The following MYO18B variants were observed in gnomAD, a reference collection of about 807,000 sequenced individuals.
MYO18B encodes myosin XVIIIB, also known as unconventional myosin-XVIIIb.
Under a neutral mutation model 273.0 loss-of-function variants are expected in MYO18B, and 204 were observed. That is an observed-to-expected ratio of 0.75 (90% confidence interval 0.67 to 0.84). The LOEUF is 0.84. MYO18B is among the 40% of genes least tolerant of loss of function. The pLI, the probability that MYO18B is intolerant of heterozygous loss-of-function variation, is 0.00. For missense variants in MYO18B, 3,212 were observed against 3,287.6 expected (o/e 0.98, Z 0.56); for synonymous variants, 1,330 against 1,305.7 (o/e 1.02, Z -0.40).
intron 42 of MYO18B, among the ~76,000 whole-genome samples, chr22:26,019,356 T>C (rs1601846316): frequency 6.6e-6 from 1 of 152,346 alleles, no homozygotes; most frequent in South Asian, 2.1e-4. Context: ...CTCCCACTTA[T>C]TACATGACAA....
intron 17 of MYO18B, among the ~76,000 whole-genome samples, chr22:25,841,734 G>T (rs78106149): frequency 2.0e-5 from 3 of 152,132 alleles, no homozygotes; most frequent in Non-Finnish European, 4.4e-5. Context: ...ACTCGGTCAC[G>T]ATCCTCATTC....
intron 39 of MYO18B, among the ~76,000 whole-genome samples, chr22:25,959,487 G>A (rs556029662): frequency 1.3e-4 from 19 of 151,890 alleles, no homozygotes; most frequent in Non-Finnish European, 2.6e-4. Flanking sequence ...CTTTGACCAG[G>A]CTGGTCTTGG....
intron 43 of MYO18B, among the ~76,000 whole-genome samples, chr22:26,029,755 T>A (rs187472162): frequency 1.7e-3 from 260 of 152,316 alleles, no homozygotes; most frequent in African/African-American, 5.9e-3. Context: ...AACTAGCCAT[T>A]GGACCCTAGG....
At position 25,846,232 on chromosome 22, in the gene MYO18B, C is replaced by T. The variant is rs1569103100; in HGVS notation, c.3501C>T (p.Ser1167=). ...SRMVRRTFAS[S]LAAVRRKAPC... Reference sequence around the variant, plus strand: ...TGGTGAGGAGGACCTTTGCCAGCAGCCTTGCCGCGGTGAGGAGGAAAGCCC... The same window carrying T: ...TGGTGAGGAGGACCTTTGCCAGCAGTCTTGCCGCGGTGAGGAGGAAAGCCC... Residue 1167 remains serine (S), a synonymous_variant, in exon 19 of 44, where the codon AGC becomes AGT. Transcript: ENST00000335473. The T allele has an allele frequency of 1.2e-6, 2 of 1,612,374 alleles. No homozygotes were observed. The highest frequency in any genetic ancestry group is 2.0e-4 in the Middle Eastern group (1 of 5,022).
At chr22:25,937,491 G>A (rs1167869222) in intron 34 of MYO18B, among the ~76,000 whole-genome samples, 1 of 151,912 alleles carries the variant, frequency 6.6e-6, no homozygotes, top group Non-Finnish European at 1.5e-5. Context: ...GGCACCAAGA[G>A]TAGCCACCAC....
At chr22:25,812,691 CTCTGCATGGTT>C (rs1269038397) in intron 12 of MYO18B, among the ~76,000 whole-genome samples, 1 of 152,164 alleles carries the variant, frequency 6.6e-6, no homozygotes, top group African/African-American at 2.4e-5. Context: ...ATAGAGATCT[CTCTGCATGGTT>C]GAAAGAGCCA....
chr22:25,846,407 A>G, intron 19 of MYO18B, 124 bp downstream of exon 19: 2 of 1,055,306 alleles, frequency 1.9e-6, no homozygotes, highest in Non-Finnish European at 2.7e-6. Context: ...GGCGAGTGTC[A>G]CCCCACGCTC....
chr22:25,787,272 G>GCGCACACA lies in MYO18B; in HGVS notation c.2376+1782_2376+1783insGCACACAC, dbSNP rs1482737296. The stretch of plus-strand genomic sequence containing the variant: ...TAAGCCTGTGTGCGTGCAGGCGCGC[G>GCGCACACA]CACACACACACACACACACACACAC... On this transcript the variant is annotated intron_variant, in intron 11 of 43. Transcript: ENST00000335473. 4.4e-5 allele frequency among the ~76,000 whole-genome samples: 6 copies of GCGCACACA among 136,714 alleles called. No homozygotes were observed. The South Asian group carries it at 1.7e-3, about 39-fold the overall frequency. The allele number at this position is 136,714 out of a possible 152,430, so 89.7% of individuals were successfully genotyped here. A position where few individuals can be genotyped will look rare whatever the true frequency, so the allele number is the denominator to read the frequency against.
chr22:26,021,303 C>A (rs919030220), intron 42 of MYO18B, among the ~76,000 whole-genome samples: 1 of 152,116 alleles, frequency 6.6e-6, no homozygotes, highest in Admixed American at 6.5e-5. Flanking sequence ...CATATAAATA[C>A]CCTTATTCAT....
chr22:25,998,959 A>C (rs1026741191), intron 40 of MYO18B, among the ~76,000 whole-genome samples: 1 of 152,200 alleles, frequency 6.6e-6, no homozygotes, highest in Non-Finnish European at 1.5e-5. Flanking sequence ...TCAGGGCTCC[A>C]AACTACTTTG....
intron 12 of MYO18B, 121 bp downstream of exon 12, chr22:25,798,218 G>C: frequency 7.7e-7 from 1 of 1,303,658 alleles, no homozygotes; most frequent in Non-Finnish European, 1.0e-6. Context: ...ATGTCTCTGG[G>C]ACTTCCCTTG....
chr22:26,012,942 G>A (rs1351092151), intron 42 of MYO18B, among the ~76,000 whole-genome samples: 3 of 152,070 alleles, frequency 2.0e-5, no homozygotes, highest in Non-Finnish European at 4.4e-5. Context: ...CCATTACAGT[G>A]CCCCTACAAC....
At chr22:25,894,355 G>C (rs753894254) in intron 27 of MYO18B, among the ~76,000 whole-genome samples, 1 of 152,134 alleles carries the variant, frequency 6.6e-6, no homozygotes, top group Non-Finnish European at 1.5e-5. Context: ...ATGAATAAGT[G>C]GGTGGTCTCT....
intron 1 of MYO18B, among the ~76,000 whole-genome samples, chr22:25,760,103 A>G (rs991528921): frequency 6.6e-6 from 1 of 152,118 alleles, no homozygotes. Context: ...CCCATGATTC[A>G]TGGTGTTAGA....
intron 33 of MYO18B, among the ~76,000 whole-genome samples, chr22:25,920,018 T>C (rs1214301747): frequency 2.6e-5 from 4 of 152,204 alleles, no homozygotes; most frequent in Non-Finnish European, 5.9e-5. Context: ...GGTTCAGAGA[T>C]GTGGCGTGAC....
In MYO18B at chr22:25,796,951, G is replaced by A. The variant is rs563337003; in HGVS notation, c.2377-1002G>A. Among the ~76,000 whole-genome samples the A allele has an allele frequency of 1.6e-4, 25 of 152,292 alleles. No homozygotes were observed. The South Asian group carries it at 5.0e-3, about 30-fold the overall frequency. On this transcript the variant is annotated intron_variant, in intron 11 of 43. Transcript: ENST00000335473. ...CCTCCAAAAATAACTGCTTCCAGAC[G>A]GCGTGGTGGCTCACGCCTGTAATCC...
intron 12 of MYO18B, among the ~76,000 whole-genome samples, chr22:25,804,273 C>A (rs1363327789): frequency 2.0e-5 from 3 of 152,156 alleles, no homozygotes; most frequent in African/African-American, 7.2e-5. Context: ...TTCCTCTGTC[C>A]CCATGCCTGC....
At chr22:26,031,514 G>A (rs1014220058), downstream of MYO18B, among the ~76,000 whole-genome samples, 2 of 152,262 alleles carry the variant, frequency 1.3e-5, no homozygotes, top group South Asian at 4.2e-4. Context: ...ATTGGATAGG[G>A]TCTGCCCTAA....
rs2090433106 is a variant in MYO18B at position 25,851,700 on chromosome 22, C to T, written c.3885+121C>T. ...CCTGTAATCTCAGTGCTTTGGGATACCCAGGTGGGTGGATCACTTGAGTCC... is the reference window on the plus strand; with the variant it reads ...CCTGTAATCTCAGTGCTTTGGGATATCCAGGTGGGTGGATCACTTGAGTCC... On this transcript the variant is annotated intron_variant, in intron 21 of 43. Coordinates refer to ENST00000335473, the MANE Select transcript of MYO18B (RefSeq NM_032608.7). The T allele has an allele frequency of 6.7e-6, 5 of 746,964 alleles. No homozygotes were observed. The East Asian group carries it at 8.1e-5, about 12-fold the overall frequency. 46.3% of individuals were successfully genotyped at this position (746,964 alleles called of 1,614,324 possible).
Sources: gnomAD v4.1 joint callset for allele counts (sites outside exome capture counted in the v4.1 genomes callset) on GRCh38, gnomAD v4.1.1 for gene constraint, MANE v1.5 for transcripts, NCBI Gene and HGNC (gene_info 2026-07-23, HGNC 2026-07-21) for gene names.